Variants in PTPRD observed in about 807,000 individuals in gnomAD.
PTPRD encodes the protein protein tyrosine phosphatase receptor type D.
Under a neutral mutation model 214.5 loss-of-function variants are expected in PTPRD, and 34 were observed. That is an observed-to-expected ratio of 0.16 (90% CI 0.12 to 0.21). The LOEUF (loss-of-function observed/expected upper bound fraction) is 0.21, where lower values mean the gene tolerates loss of function less well. Ranked by LOEUF, PTPRD falls within the 10% of genes least tolerant of loss-of-function variation. The probability of loss-of-function intolerance (pLI) is 1.00; values close to 1 mark genes in which losing one functional copy is unlikely to be tolerated. For missense variants in PTPRD, 2,545 were observed against 2,398.7 expected (o/e 1.06, Z -1.27); for synonymous variants, 1,128 against 845.7 (o/e 1.33, Z -5.79).
chr9:8,545,639 T>C lies in PTPRD; in HGVS notation c.353-16860A>G, dbSNP rs143364845. Among the ~76,000 whole-genome samples, 3 of 152,324 alleles carry C rather than the reference T, an allele frequency of 2.0e-5. No individual in the cohort carries two copies. The East Asian group carries it at 5.8e-4, about 29-fold the overall frequency. On this transcript the variant is annotated intron_variant, in intron 14 of 45. Transcript: ENST00000381196. ...TCTTTGGTAAATATTCTGAAGTGTT[T>C]GACTATTTTCAATAACTGAGTCTAC...
chr9:8,889,937 C>G (rs1166687496), intron 11 of PTPRD, among the ~76,000 whole-genome samples: 1 of 152,138 alleles, frequency 6.6e-6, no homozygotes, highest in African/African-American at 2.4e-5. Context: ...GCAAGTGTCT[C>G]TTTCATATAA....
chr9:8,997,432 C>T (rs897020195), intron 11 of PTPRD, among the ~76,000 whole-genome samples: 1 of 152,042 alleles, frequency 6.6e-6, no homozygotes, highest in African/African-American at 2.4e-5. Flanking sequence ...AGTCTGCGAT[C>T]ACTGATCTCT....
chr9:9,617,190 G>T (rs1247792975), intron 7 of PTPRD, among the ~76,000 whole-genome samples: 1 of 152,110 alleles, frequency 6.6e-6, no homozygotes, highest in South Asian at 2.1e-4. Flanking sequence ...GGAAATCTTA[G>T]AAATATATAT....
chr9:8,994,780 G>A (rs2099390280), intron 11 of PTPRD, among the ~76,000 whole-genome samples: 1 of 152,084 alleles, frequency 6.6e-6, no homozygotes, highest in South Asian at 2.1e-4. Flanking sequence ...AATTTGGAAA[G>A]GTAGCACAAG....
At chr9:9,903,354 G>T (rs899175115) in intron 5 of PTPRD, among the ~76,000 whole-genome samples, 4 of 152,052 alleles carry the variant, frequency 2.6e-5, no homozygotes, top group Admixed American at 1.3e-4. Context: ...AACAAAAATT[G>T]TCATTGTCTT....
chr9:10,436,391 A>G (rs1232545532), intron 2 of PTPRD, among the ~76,000 whole-genome samples: 3 of 151,806 alleles, frequency 2.0e-5, no homozygotes, highest in African/African-American at 7.2e-5. Context: ...CCTTTCACTC[A>G]AAGTTCATAT....
chr9:8,375,762 A>C (rs969138583), intron 39 of PTPRD, among the ~76,000 whole-genome samples, 174 bp downstream of exon 39: 4 of 152,116 alleles, frequency 2.6e-5, no homozygotes, highest in African/African-American at 9.7e-5. Flanking sequence ...GGAAATATGC[A>C]TCTATGTCAA....
At chr9:9,266,045 T>C (rs1267480758) in intron 9 of PTPRD, among the ~76,000 whole-genome samples, 1 of 151,472 alleles carries the variant, frequency 6.6e-6, no homozygotes, top group East Asian at 2.0e-4. Flanking sequence ...ATAAAGATAT[T>C]GTATGCAAAT....
At chr9:9,384,396 A>G (rs996789449) in intron 9 of PTPRD, among the ~76,000 whole-genome samples, 1 of 113,850 alleles carries the variant, frequency 8.8e-6, no homozygotes, top group Non-Finnish European at 1.8e-5. Flanking sequence ...TGGTGGGTCA[A>G]CAACCCTATC....
At chr9:10,087,034 T>G (rs2098351955) in intron 3 of PTPRD, among the ~76,000 whole-genome samples, 1 of 151,758 alleles carries the variant, frequency 6.6e-6, no homozygotes, top group Non-Finnish European at 1.5e-5. Flanking sequence ...TGAACTAATC[T>G]GCTATAAGCC....
chr9:8,543,228 T>C (rs1230527196), intron 14 of PTPRD, among the ~76,000 whole-genome samples: 1 of 152,222 alleles, frequency 6.6e-6, no homozygotes, highest in Non-Finnish European at 1.5e-5. Flanking sequence ...CGTTTAGTTG[T>C]AATAGACTGA....
chr9:10,044,546 G>C (rs898135287), intron 3 of PTPRD, among the ~76,000 whole-genome samples: 1 of 151,772 alleles, frequency 6.6e-6, no homozygotes, highest in Non-Finnish European at 1.5e-5. Context: ...ATCTAGATTT[G>C]AGAATTATCA....
intron 5 of PTPRD, among the ~76,000 whole-genome samples, chr9:9,783,323 A>C (rs1310952880): frequency 6.6e-6 from 1 of 152,150 alleles, no homozygotes; most frequent in African/African-American, 2.4e-5. Flanking sequence ...TCTTTCTTGC[A>C]TGAAATATCT....
intron 3 of PTPRD, among the ~76,000 whole-genome samples, chr9:10,087,463 C>T (rs1284326879): frequency 6.6e-6 from 1 of 151,614 alleles, no homozygotes; most frequent in African/African-American, 2.4e-5. Flanking sequence ...CAATATTGAT[C>T]CTTCAGAGTG....
intron 36 of PTPRD, among the ~76,000 whole-genome samples, chr9:8,393,341 C>A (rs1375689061): frequency 6.6e-6 from 1 of 152,112 alleles, no homozygotes; most frequent in African/African-American, 2.4e-5. Flanking sequence ...TATAGAATTA[C>A]TATAAATTAG....
chr9:8,472,179 GGTCT>G (rs947376520), intron 30 of PTPRD, among the ~76,000 whole-genome samples: 14 of 151,978 alleles, frequency 9.2e-5, no homozygotes, highest in African/African-American at 3.4e-4. Flanking sequence ...TGGTGGCAGT[GGTCT>G]GTCTCTTTTT....
chr9:9,196,053 A>G (rs999163289), intron 9 of PTPRD, among the ~76,000 whole-genome samples: 1 of 152,194 alleles, frequency 6.6e-6, no homozygotes, highest in African/African-American at 2.4e-5. Context: ...GGAGGCCAAG[A>G]TTCTAGCCCA....
intron 7 of PTPRD, among the ~76,000 whole-genome samples, chr9:9,655,629 C>A (rs1359385237): frequency 6.6e-6 from 1 of 151,728 alleles, no homozygotes; most frequent in African/African-American, 2.4e-5. Flanking sequence ...CCAAACCAAA[C>A]CAAACCAAAC....
chr9:9,952,195 G>A (rs552009437), intron 4 of PTPRD, among the ~76,000 whole-genome samples: 1 of 152,256 alleles, frequency 6.6e-6, no homozygotes, highest in African/African-American at 2.4e-5. Flanking sequence ...TTGGTGAAAG[G>A]AGAAATGGTA....
Sources: gnomAD v4.1 joint callset for allele counts (sites outside exome capture counted in the v4.1 genomes callset) on GRCh38, gnomAD v4.1.1 for gene constraint, MANE v1.5 for transcripts, NCBI Gene and HGNC (gene_info 2026-07-23, HGNC 2026-07-21) for gene names.